Variants in LHFPL3 observed in about 807,000 individuals in gnomAD.
LHFPL3 encodes LHFPL tetraspan subfamily member 3 protein.
A neutral mutation model predicts 19.3 loss-of-function variants in LHFPL3; 5 were observed. That is an observed-to-expected ratio of 0.26 (90% CI 0.14 to 0.54). The LOEUF is 0.54. LHFPL3 is among the 20% of genes least tolerant of loss of function. The pLI, the probability that LHFPL3 is intolerant of heterozygous loss-of-function variation, is 0.94. For synonymous variants in LHFPL3, 133 were observed against 126.2 expected (o/e 1.05, Z -0.36); for missense variants, 249 against 307.4 (o/e 0.81, Z 1.42).
intron 1 of LHFPL3, among the ~76,000 whole-genome samples, chr7:104,483,422 C>G (rs557124166): frequency 2.6e-5 from 4 of 152,202 alleles, no homozygotes; most frequent in Non-Finnish European, 5.9e-5. Context: ...AAGAAAAAGG[C>G]TTTTAAATTG....
chr7:104,334,415 C>A (rs536015370), intron 1 of LHFPL3, among the ~76,000 whole-genome samples: 1 of 152,160 alleles, frequency 6.6e-6, no homozygotes, highest in African/African-American at 2.4e-5. Flanking sequence ...GGTATGGTGG[C>A]GTACACCTGT....
At chr7:104,720,640 C>T (rs555165060) in intron 1 of LHFPL3, among the ~76,000 whole-genome samples, 3 of 152,116 alleles carry the variant, frequency 2.0e-5, no homozygotes, top group Non-Finnish European at 4.4e-5. Flanking sequence ...GCAATCTACT[C>T]ATCTGACAAA....
At chr7:104,811,166 CTTTCT>C (rs1554346770) in intron 2 of LHFPL3, among the ~76,000 whole-genome samples, 5,025 of 17,736 alleles carry the variant, frequency 0.28, 270 homozygotes, top group African/African-American at 0.3. Flanking sequence ...TTCTTTCTTT[CTTTCT>C]TTTCTTTTCT....
intron 1 of LHFPL3, among the ~76,000 whole-genome samples, chr7:104,330,665 C>G (rs1370713830): frequency 6.6e-6 from 1 of 152,128 alleles, no homozygotes; most frequent in Non-Finnish European, 1.5e-5. Context: ...AGTAGAGACT[C>G]CCTCCTTTAC....
At chr7:104,467,869 C>G (rs1198176757) in intron 1 of LHFPL3, among the ~76,000 whole-genome samples, 1 of 152,186 alleles carries the variant, frequency 6.6e-6, no homozygotes, top group Non-Finnish European at 1.5e-5. Context: ...TCTTTCTCTT[C>G]TAAATTGTTT....
At chr7:104,555,734 A>G (rs1794751225) in intron 1 of LHFPL3, among the ~76,000 whole-genome samples, 1 of 152,214 alleles carries the variant, frequency 6.6e-6, no homozygotes, top group African/African-American at 2.4e-5. Flanking sequence ...ACAGTCTCCC[A>G]AAGTCTTAAC....
chr7:104,600,771 G>A (rs60288573), intron 1 of LHFPL3, among the ~76,000 whole-genome samples: 4,634 of 152,258 alleles, frequency 0.03, 241 homozygotes, highest in African/African-American at 0.11. Context: ...TCTTCACAGT[G>A]TACCTGTGAT....
chr7:104,825,357 G>C (rs1398013631), intron 2 of LHFPL3, among the ~76,000 whole-genome samples: 1 of 151,832 alleles, frequency 6.6e-6, no homozygotes, highest in Non-Finnish European at 1.5e-5. Flanking sequence ...TCTGTGAAAA[G>C]AGAAGCAACA....
chr7:104,573,050 T>A (rs1307070914), intron 1 of LHFPL3, among the ~76,000 whole-genome samples: 2 of 152,216 alleles, frequency 1.3e-5, no homozygotes, highest in Non-Finnish European at 2.9e-5. Flanking sequence ...ATATCCATTT[T>A]TCATTAAAGG....
chr7:104,433,515 G>A (rs1562896221), intron 1 of LHFPL3, among the ~76,000 whole-genome samples: 3 of 152,128 alleles, frequency 2.0e-5, no homozygotes, highest in South Asian at 4.1e-4. Context: ...AGGTATACAA[G>A]GCCCTTCATG....
intron 2 of LHFPL3, among the ~76,000 whole-genome samples, chr7:104,903,417 CAT>C (rs1792532121): frequency 6.6e-6 from 1 of 151,718 alleles, no homozygotes; most frequent in Non-Finnish European, 1.5e-5. Flanking sequence ...CCCACACACA[CAT>C]AGATGGCCCT....
chr7:104,869,115 TA>T (rs1199182590), intron 2 of LHFPL3, among the ~76,000 whole-genome samples: 1 of 152,088 alleles, frequency 6.6e-6, no homozygotes, highest in Admixed American at 6.5e-5. Context: ...CCTAAAACCA[TA>T]AAAACCCTAG....
At chr7:104,606,597 C>T (rs1286143762) in intron 1 of LHFPL3, among the ~76,000 whole-genome samples, 2 of 152,176 alleles carry the variant, frequency 1.3e-5, no homozygotes, top group South Asian at 4.1e-4. Context: ...TGAGAAGGGA[C>T]TTTGAAAACC....
intron 1 of LHFPL3, among the ~76,000 whole-genome samples, chr7:104,512,243 C>A (rs1793831456): frequency 6.6e-6 from 1 of 152,230 alleles, no homozygotes; most frequent in South Asian, 2.1e-4. Context: ...GCATGAGCCA[C>A]AGCATCTGGC....
intron 2 of LHFPL3, among the ~76,000 whole-genome samples, chr7:104,766,241 A>T (rs1794454372): frequency 6.6e-6 from 1 of 152,198 alleles, no homozygotes; most frequent in African/African-American, 2.4e-5. Flanking sequence ...GAGTGGAATG[A>T]TCAAAAACTA....
intron 1 of LHFPL3, among the ~76,000 whole-genome samples, chr7:104,426,540 G>A (rs1276296923): frequency 1.3e-5 from 2 of 152,126 alleles, no homozygotes; most frequent in East Asian, 1.9e-4. Context: ...ACAGGCATGA[G>A]CCACCATGCC....
intron 2 of LHFPL3, among the ~76,000 whole-genome samples, chr7:104,806,445 T>C (rs2116490337): frequency 6.6e-6 from 1 of 152,358 alleles, no homozygotes; most frequent in African/African-American, 2.4e-5. Flanking sequence ...AACCCCAAAG[T>C]TGTCTTCATT....
intron 1 of LHFPL3, among the ~76,000 whole-genome samples, chr7:104,527,558 A>G (rs1794213135): frequency 6.6e-6 from 1 of 152,134 alleles, no homozygotes. Context: ...AAGAGTGATG[A>G]CTGAGAAAAA....
chr7:104,781,113 T>A (rs1794709228), intron 2 of LHFPL3, among the ~76,000 whole-genome samples: 1 of 152,092 alleles, frequency 6.6e-6, no homozygotes, highest in Non-Finnish European at 1.5e-5. Flanking sequence ...GAAAAAAAAA[T>A]TCACGTAACC....
Sources: allele counts gnomAD v4.1 joint callset (sites outside exome capture counted in the v4.1 genomes callset), GRCh38; gene constraint gnomAD v4.1.1; transcripts MANE v1.5; gene names NCBI Gene and HGNC (gene_info 2026-07-23, HGNC 2026-07-21).